The following ANKRD12 variants were observed in gnomAD, a reference collection of about 807,000 sequenced individuals.
ANKRD12 encodes the protein ankyrin repeat domain 12.
Under a neutral mutation model 183.4 loss-of-function variants are expected in ANKRD12, and 85 were observed. The ratio of observed to expected loss-of-function variants is 0.46; its 90% CI spans 0.39 to 0.56. The LOEUF (loss-of-function observed/expected upper bound fraction) is 0.56. Among genes scored for constraint, ANKRD12 ranks in the 20% least tolerant of loss-of-function variants. The pLI, the probability that ANKRD12 is intolerant of heterozygous loss-of-function variation, is 0.00. For synonymous variants in ANKRD12, 914 were observed against 800.2 expected (o/e 1.14, Z -2.40); for missense variants, 2,405 against 2,357.1 (o/e 1.02, Z -0.42).
At chr18:9,145,142 G>T in intron 1 of ANKRD12, among the ~76,000 whole-genome samples, 1 of 152,106 alleles carries the variant, frequency 6.6e-6, no homozygotes, top group Non-Finnish European at 1.5e-5. Context: ...TTATTTTTAG[G>T]TATGGGTTCT....
chr18:9,150,190 T>C (rs2078639875), intron 1 of ANKRD12, among the ~76,000 whole-genome samples: 1 of 152,228 alleles, frequency 6.6e-6, no homozygotes. Context: ...AAATGAATCC[T>C]TTGTTTACTG....
chr18:9,144,608 A>G (rs1407069031), intron 1 of ANKRD12, among the ~76,000 whole-genome samples: 1 of 152,228 alleles, frequency 6.6e-6, no homozygotes, highest in African/African-American at 2.4e-5. Flanking sequence ...TGGCAGAGGT[A>G]TAATTACAAC....
At chr18:9,220,193 G>T (rs1228494985) in intron 7 of ANKRD12, among the ~76,000 whole-genome samples, 1 of 152,046 alleles carries the variant, frequency 6.6e-6, no homozygotes. Context: ...TTGTTCCTTT[G>T]ATGGTAAATG....
chr18:9,162,837 A>G (rs1298202695), intron 1 of ANKRD12, among the ~76,000 whole-genome samples: 2 of 152,060 alleles, frequency 1.3e-5, no homozygotes, highest in East Asian at 3.8e-4. Flanking sequence ...GGCTGCATGA[A>G]TTCTTTTCTC....
intron 1 of ANKRD12, among the ~76,000 whole-genome samples, chr18:9,144,180 A>AT (rs1220706975): frequency 6.6e-6 from 1 of 152,144 alleles, no homozygotes; most frequent in African/African-American, 2.4e-5. Context: ...GCAATCAATA[A>AT]TTTAAATAAT....
At chr18:9,143,767 C>T (rs2078400804) in intron 1 of ANKRD12, among the ~76,000 whole-genome samples, 1 of 152,116 alleles carries the variant, frequency 6.6e-6, no homozygotes, top group African/African-American at 2.4e-5. Flanking sequence ...GCGGAGCATT[C>T]TCTTTAAGCT....
chr18:9,245,174 A>C (rs947123772), intron 8 of ANKRD12, among the ~76,000 whole-genome samples: 1 of 151,818 alleles, frequency 6.6e-6, no homozygotes, highest in Non-Finnish European at 1.5e-5. Context: ...ACCTGGCCAG[A>C]TGTGGTGGCT....
intron 8 of ANKRD12, among the ~76,000 whole-genome samples, chr18:9,226,852 A>C (rs886924898): frequency 1.3e-5 from 2 of 152,204 alleles, no homozygotes; most frequent in African/African-American, 4.8e-5. Context: ...GTTTTGTGTC[A>C]TGAAAGATTA....
chr18:9,275,303 A>AAC (rs1555644589), intron 10 of ANKRD12, among the ~76,000 whole-genome samples: 63 of 150,378 alleles, frequency 4.2e-4, no homozygotes, highest in African/African-American at 1.5e-3. Flanking sequence ...TGTCTCTAAA[A>AAC]ATATATATAT....
At position 9,280,555 on chromosome 18, in the gene ANKRD12, T is replaced by C. The variant is rs527698208; in HGVS notation, c.6004-386T>C. Among the ~76,000 whole-genome samples the C allele has an allele frequency of 1.3e-4, 20 of 152,250 alleles. No homozygotes were observed. In the South Asian group the frequency reaches 4.2e-3, roughly 32 times the overall value. On this transcript the variant is annotated intron_variant, in intron 12 of 12. Coordinates refer to ENST00000262126, the MANE Select transcript of ANKRD12 (RefSeq NM_015208.5). ...TGTAATCCCAGAACTTTGGAAGGCC[T>C]ACGTGAGCAGATCACCTGAGGTCAG...
At chr18:9,212,179 T>C (rs2035841202) in intron 6 of ANKRD12, among the ~76,000 whole-genome samples, 1 of 152,064 alleles carries the variant, frequency 6.6e-6, no homozygotes, top group South Asian at 2.1e-4. Flanking sequence ...TTTTCATTAT[T>C]CAAGTAGCAT....
Position 9,256,749 on chromosome 18 carries a change from G to A in ANKRD12, c.3482G>A (p.Ser1161Asn), listed in dbSNP as rs994283972. Residue 1161 changes from serine to asparagine, a missense_variant, in exon 9 of 13, where the codon AGT (serine) becomes AAT (asparagine). By Grantham distance (46) the Ser-to-Asn change is conservative. Coordinates refer to ENST00000262126, the MANE Select transcript of ANKRD12 (RefSeq NM_015208.5). ...TKEKQPKDAV[S>N]NRSQSVDTKN... ...GAGAAACAACCTAAAGATGCTGTAA[G>A]TAACAGATCACAATCTGTTGACACC... The A allele has an allele frequency of 5.0e-6, 8 of 1,613,474 alleles. No individual in the cohort carries two copies. The Admixed American group carries it at 6.7e-5, about 13-fold the overall frequency.
intron 8 of ANKRD12, among the ~76,000 whole-genome samples, chr18:9,227,142 C>T (rs1410956016): frequency 1.3e-5 from 2 of 151,900 alleles, no homozygotes; most frequent in Non-Finnish European, 2.9e-5. Flanking sequence ...GGCCATGATG[C>T]ATTTAATTTA....
chr18:9,280,290 C>T (rs919317424), intron 12 of ANKRD12, among the ~76,000 whole-genome samples: 4 of 152,012 alleles, frequency 2.6e-5, no homozygotes, highest in African/African-American at 7.3e-5. Flanking sequence ...AATCTAATGC[C>T]GTTGCTGATC....
intron 10 of ANKRD12, 132 bp downstream of exon 10, chr18:9,264,020 T>A (rs905758918): frequency 2.8e-5 from 24 of 869,052 alleles, no homozygotes; most frequent in Admixed American, 4.1e-5. Flanking sequence ...TGGTTTTATC[T>A]TGTGTTTATT....
At position 9,258,794 on chromosome 18, in the gene ANKRD12, A is replaced by C. The variant is rs747118728; in HGVS notation, c.5527A>C (p.Arg1843=). The change falls in exon 9 of 13, where the codon AGG becomes CGG. Residue 1843 remains arginine (R), a synonymous_variant. Transcript: ENST00000262126. ...TCCATATTTTGAATACTTGCACATA[A>C]GGAAAAAAATAGAAGAAAAACGCAA... The part of the protein sequence containing the change: ...ANPYFEYLHI[R]KKIEEKRKLL... The C allele has an allele frequency of 1.2e-6, 2 of 1,613,808 alleles. No homozygotes were observed. Among genetic ancestry groups the C allele is most frequent in the African/African-American group, 1.3e-5 (1 of 74,914 alleles).
rs1184079822 is a variant in ANKRD12, at chr18:9,146,853, G to A, written c.-52+9888G>A. On this transcript the variant is annotated intron_variant, in intron 1 of 12. Coordinates refer to ENST00000262126, the MANE Select transcript of ANKRD12 (RefSeq NM_015208.5). ...AGTGTATATTATAAGAGGTAGGTTT[G>A]TGTTGGAGAGTGAGCAGGATAAAGA... is the stretch of plus-strand genomic sequence containing the variant. 2.0e-5 allele frequency among the ~76,000 whole-genome samples: 3 copies of A among 152,196 alleles called. No homozygotes were observed. In the East Asian group the frequency reaches 5.8e-4, roughly 29 times the overall value.
rs530084619 is a variant in ANKRD12 at position 9,161,750 on chromosome 18, G to GTA, written c.-51-20631_-51-20630insAT. On this transcript the variant is annotated intron_variant, in intron 1 of 12. Transcript: ENST00000262126. ...ATGTGATATGTTGATGTGTGTGTGT[G>GTA]TGTATATATATATAAAATATATATA... is the stretch of plus-strand genomic sequence containing the variant. Among the ~76,000 whole-genome samples, 254 of 149,216 alleles carry GTA rather than the reference G, an allele frequency of 1.7e-3. 1 individual carries two copies. The highest frequency in any genetic ancestry group is 5.6e-3 in the African/African-American group (225 of 40,176).
chr18:9,172,104 G>A (rs1453695750), intron 1 of ANKRD12, among the ~76,000 whole-genome samples: 6 of 151,008 alleles, frequency 4.0e-5, no homozygotes, highest in African/African-American at 1.2e-4. Flanking sequence ...GAGGTCTGCT[G>A]TTAGTCTGAT....
Sources: allele counts gnomAD v4.1 joint callset (sites outside exome capture counted in the v4.1 genomes callset), GRCh38; gene constraint gnomAD v4.1.1; transcripts MANE v1.5; gene names NCBI Gene and HGNC (gene_info 2026-07-23, HGNC 2026-07-21).